DLG2: variants seen among roughly 807,000 people sequenced by gnomAD.
DLG2 encodes the protein discs large MAGUK scaffold protein 2.
In DLG2, 45 loss-of-function variants were observed where a neutral mutation model predicts 132.5. The observed-to-expected ratio is 0.34, with a 90% confidence interval of 0.27 to 0.44. The LOEUF is 0.44. Among genes scored for constraint, DLG2 ranks in the 20% least tolerant of loss-of-function variants. The pLI, the probability that DLG2 is intolerant of heterozygous loss-of-function variation, is 1.00. For synonymous variants in DLG2, 424 were observed against 419.6 expected (o/e 1.01, Z -0.13); for missense variants, 1,045 against 1,196.9 (o/e 0.87, Z 1.87).
chr11:85,200,624 A>T (rs2081391735), intron 4 of DLG2, among the ~76,000 whole-genome samples: 1 of 152,172 alleles, frequency 6.6e-6, no homozygotes, highest in Non-Finnish European at 1.5e-5. Context: ...TGGGTTCTGC[A>T]GCCTCTGTCC....
At chr11:85,119,302 A>T (rs2074031717) in intron 5 of DLG2, among the ~76,000 whole-genome samples, 1 of 152,038 alleles carries the variant, frequency 6.6e-6, no homozygotes, top group African/African-American at 2.4e-5. Context: ...ATTTCTAAAA[A>T]ATATAATATG....
At chr11:83,677,674 T>C (rs768895277) in intron 18 of DLG2, among the ~76,000 whole-genome samples, 1 of 152,038 alleles carries the variant, frequency 6.6e-6, no homozygotes, top group Non-Finnish European at 1.5e-5. Context: ...ATAGCTTTCA[T>C]TTCATTAAAA....
chr11:84,266,506 A>G (rs866561868), intron 7 of DLG2, among the ~76,000 whole-genome samples: 20 of 152,214 alleles, frequency 1.3e-4, no homozygotes, highest in East Asian at 5.8e-4. Flanking sequence ...TGGACTAAAA[A>G]TTGGGGTATT....
chr11:85,250,355 A>G (rs1348674305), intron 4 of DLG2, among the ~76,000 whole-genome samples: 1 of 152,182 alleles, frequency 6.6e-6, no homozygotes, highest in African/African-American at 2.4e-5. Flanking sequence ...TTAATGTACA[A>G]TTAATACAAC....
At position 84,991,010 on chromosome 11, in the gene DLG2, C is replaced by G. The variant is rs1445092593; in HGVS notation, c.357+120651G>C. Among the ~76,000 whole-genome samples the G allele has an allele frequency of 2.6e-5, 4 of 152,102 alleles. No individual in the cohort carries two copies. The East Asian group carries it at 5.8e-4, about 22-fold the overall frequency. On this transcript the variant is annotated intron_variant, in intron 6 of 27. Coordinates refer to ENST00000376104, the MANE Select transcript of DLG2 (RefSeq NM_001142699.3). ...GGTGAATGTTAAACTACAGTATATCCACACCATGGGATGCTACTCAGCAAT... is the reference window on the plus strand; with the variant it reads ...GGTGAATGTTAAACTACAGTATATCGACACCATGGGATGCTACTCAGCAAT...
At chr11:84,166,312 G>A (rs2095661055) in intron 8 of DLG2, among the ~76,000 whole-genome samples, 1 of 151,968 alleles carries the variant, frequency 6.6e-6, no homozygotes, top group Non-Finnish European at 1.5e-5. Context: ...TAACATCCTG[G>A]CCAACATGGT....
At chr11:83,577,873 A>T (rs1343480557) in intron 19 of DLG2, among the ~76,000 whole-genome samples, 3 of 124,304 alleles carry the variant, frequency 2.4e-5, no homozygotes, top group African/African-American at 9.3e-5. Flanking sequence ...TTATAAATAT[A>T]TATAATATAA....
At chr11:85,598,575 A>G in intron 3 of DLG2, 82 bp downstream of exon 3, 1 of 967,618 alleles carries the variant, frequency 1.0e-6, no homozygotes, top group Non-Finnish European at 1.4e-6. Flanking sequence ...CTTGGTTAAC[A>G]TCAGGTTCTT....
At chr11:83,937,660 A>G (rs1016389980) in intron 14 of DLG2, among the ~76,000 whole-genome samples, 5 of 152,198 alleles carry the variant, frequency 3.3e-5, no homozygotes, top group Admixed American at 3.3e-4. Context: ...TTTAGTAAAA[A>G]ACAAAGACAA....
At chr11:84,858,511 T>C (rs1893725) in intron 6 of DLG2, among the ~76,000 whole-genome samples, 7 of 152,168 alleles carry the variant, frequency 4.6e-5, no homozygotes, top group Admixed American at 6.6e-5. Flanking sequence ...TTCTTACTGA[T>C]AGAGATGAAT....
At chr11:84,074,375 A>C (rs916925232) in intron 10 of DLG2, among the ~76,000 whole-genome samples, 22 of 152,134 alleles carry the variant, frequency 1.4e-4, no homozygotes, top group African/African-American at 5.1e-4. Context: ...GCTTCTAGCT[A>C]CAATATCTAT....
intron 4 of DLG2, among the ~76,000 whole-genome samples, chr11:85,207,715 A>G (rs1335199785): frequency 1.3e-5 from 2 of 152,114 alleles, no homozygotes; most frequent in East Asian, 3.9e-4. Context: ...ATATTTTGGC[A>G]CTTAGATGAA....
intron 4 of DLG2, among the ~76,000 whole-genome samples, chr11:85,244,908 CT>C (rs1384327569): frequency 6.6e-6 from 1 of 151,900 alleles, no homozygotes; most frequent in Non-Finnish European, 1.5e-5. Flanking sequence ...TCACAAGAAA[CT>C]TTAGTAAAAG....
intron 8 of DLG2, among the ~76,000 whole-genome samples, chr11:84,232,058 G>T (rs915690690): frequency 6.6e-6 from 1 of 152,042 alleles, no homozygotes; most frequent in Non-Finnish European, 1.5e-5. Context: ...ACTAAAGCCA[G>T]ACTATGTGAA....
intron 6 of DLG2, among the ~76,000 whole-genome samples, chr11:84,940,969 T>C (rs1334736033): frequency 6.6e-6 from 1 of 152,332 alleles, no homozygotes; most frequent in East Asian, 1.9e-4. Context: ...CCCAGGACTA[T>C]TTATTAAAGA....
At position 84,502,224 on chromosome 11, in the gene DLG2, T is replaced by TC. The variant is rs1567803786; in HGVS notation, c.519+32345_519+32346insG. Among the ~76,000 whole-genome samples the TC allele has an allele frequency of 2.2e-3, 25 of 11,570 alleles. 6 individuals are homozygous for TC. Among genetic ancestry groups the TC allele is most frequent in the Non-Finnish European group, 2.9e-3 (18 of 6,242 alleles). The allele number at this position is 11,570 out of a possible 152,430, so 7.6% of individuals were successfully genotyped here. A position where few individuals can be genotyped will look rare whatever the true frequency, so the allele number is the denominator to read the frequency against. ...TCTCCTTCCTTCCTTCCTTCCTTCC[T>TC]TCCTTCCTTCCTTCCTTCCTTCCTT... On this transcript the variant is annotated intron_variant, in intron 7 of 27. Transcript: ENST00000376104.
intron 10 of DLG2, among the ~76,000 whole-genome samples, chr11:84,080,977 A>G (rs2096893768): frequency 7.1e-6 from 1 of 141,652 alleles, no homozygotes. Flanking sequence ...GCACGACAAG[A>G]GCAAAACTCT....
chr11:85,600,486 A>G (rs1352633498), intron 2 of DLG2, among the ~76,000 whole-genome samples: 1 of 152,244 alleles, frequency 6.6e-6, no homozygotes. Flanking sequence ...AGTTTGTTAT[A>G]ATTTTACTGA....
chr11:85,039,501 G>A (rs1213656108), intron 6 of DLG2, among the ~76,000 whole-genome samples: 7 of 151,958 alleles, frequency 4.6e-5, no homozygotes, highest in Admixed American at 3.3e-4. Context: ...TGGCATTTCT[G>A]AGCCATGGTT....
Sources: allele counts gnomAD v4.1 joint callset (sites outside exome capture counted in the v4.1 genomes callset), GRCh38; gene constraint gnomAD v4.1.1; transcripts MANE v1.5; gene names NCBI Gene and HGNC (gene_info 2026-07-23, HGNC 2026-07-21).